The following POT1 variants were observed in gnomAD, a reference collection of about 807,000 sequenced individuals.
POT1 encodes protection of telomeres 1.
Under a neutral mutation model 78.5 loss-of-function variants are expected in POT1, and 47 were observed. That is an observed-to-expected ratio of 0.60 (90% CI 0.47 to 0.76). The LOEUF (loss-of-function observed/expected upper bound fraction) is 0.76. Ranked by LOEUF, POT1 falls within the 30% of genes least tolerant of loss-of-function variation. The pLI is 0.00. For missense variants in POT1, 646 were observed against 749.9 expected, an observed-to-expected ratio of 0.86 and a Z score of 1.62; for synonymous variants, 259 against 260.7, an observed-to-expected ratio of 0.99 and a Z score of 0.06.
intron 15 of POT1, among the ~76,000 whole-genome samples, chr7:124,830,901 C>T (rs1279231742): frequency 6.6e-6 from 1 of 152,094 alleles, no homozygotes; most frequent in Admixed American, 6.6e-5. Context: ...AGATTAGTAT[C>T]TCTAACACGG....
At chr7:124,830,779 G>A (rs1368368367) in intron 15 of POT1, among the ~76,000 whole-genome samples, 1 of 151,678 alleles carries the variant, frequency 6.6e-6, no homozygotes, top group African/African-American at 2.4e-5. Flanking sequence ...AGGGATGAGA[G>A]TAACCTATAA....
At chr7:124,853,351 T>C (rs1795364969) in intron 9 of POT1, 1 of 469,988 alleles carries the variant, frequency 2.1e-6, no homozygotes, top group African/African-American at 2.0e-5. Flanking sequence ...TGCATGCATA[T>C]GCGTGTGTGC....
rs1731038664 is a variant in POT1, at chr7:124,881,662, TACAC to T, written c.124+10600_124+10603del. Among the ~76,000 whole-genome samples the T allele has an allele frequency of 2.0e-5, 3 of 152,052 alleles. No homozygotes were observed. In the South Asian group the frequency reaches 6.2e-4, roughly 32 times the overall value. The stretch of plus-strand genomic sequence containing the variant: ...CAAGGAAGTGAAGTGTTTTACCAAA[TACAC>T]ACGCAAAAATATCCTTCAGTAATGA... On this transcript the variant is annotated intron_variant, in intron 6 of 18. Coordinates refer to ENST00000357628, the MANE Select transcript of POT1 (RefSeq NM_015450.3).
intron 2 of POT1, among the ~76,000 whole-genome samples, chr7:124,916,880 C>G (rs1797027338): frequency 6.6e-6 from 1 of 152,112 alleles, no homozygotes. Context: ...ATGGCAGCAG[C>G]AGTTACTGCA....
chr7:124,891,569 A>G (rs1312547196), intron 6 of POT1, among the ~76,000 whole-genome samples: 1 of 151,414 alleles, frequency 6.6e-6, no homozygotes, highest in Non-Finnish European at 1.5e-5. Context: ...ACTGTTTTCT[A>G]TCTGTCTTGT....
intron 6 of POT1, among the ~76,000 whole-genome samples, chr7:124,871,579 C>T (rs1183464782): frequency 6.6e-6 from 1 of 151,932 alleles, no homozygotes; most frequent in Non-Finnish European, 1.5e-5. Context: ...AATGGTAATT[C>T]TTGCTAGTCA....
chr7:124,842,259 C>T (rs1457780296), intron 13 of POT1, among the ~76,000 whole-genome samples: 2 of 151,454 alleles, frequency 1.3e-5, no homozygotes, highest in East Asian at 1.9e-4. Context: ...TGTCTTGAGC[C>T]GATTATGTAG....
intron 3 of POT1, among the ~76,000 whole-genome samples, chr7:124,908,769 G>A (rs1168164396): frequency 6.6e-6 from 1 of 151,840 alleles, no homozygotes; most frequent in Admixed American, 6.6e-5. Flanking sequence ...TTTAACAAAT[G>A]TTTGGACAAC....
At position 124,852,842 on chromosome 7, in the gene POT1, C is replaced by T. The variant is rs1233698145; in HGVS notation, c.869+130G>A. 8.1e-6 allele frequency: 6 copies of T among 741,908 alleles called. No homozygotes were observed. The East Asian group carries it at 1.4e-4, about 17-fold the overall frequency. 46.0% of individuals were successfully genotyped at this position (741,908 alleles called of 1,614,324 possible). ...TAATCATTTGATTTGTTTCATTTGG[C>T]TCATCTATTTAAAAACATGGCAAAT... On this transcript the variant is annotated intron_variant, in intron 10 of 18. Transcript: ENST00000357628.
At chr7:124,904,432 A>G (rs1460982035) in intron 3 of POT1, among the ~76,000 whole-genome samples, 1 of 152,240 alleles carries the variant, frequency 6.6e-6, no homozygotes, top group Non-Finnish European at 1.5e-5. Flanking sequence ...AAGGCCTTCA[A>G]CAAAATTCGA....
chr7:124,855,165 TA>T (rs1295925889), intron 9 of POT1, among the ~76,000 whole-genome samples: 3 of 76,732 alleles, frequency 3.9e-5, no homozygotes, highest in African/African-American at 5.5e-5. Context: ...AGAAAAAGGA[TA>T]ATAAACATAG....
At chr7:124,839,281 T>G (rs537298365) in intron 14 of POT1, among the ~76,000 whole-genome samples, 19 of 152,302 alleles carry the variant, frequency 1.2e-4, no homozygotes, top group Non-Finnish European at 1.9e-4. Flanking sequence ...TTTACAGAAA[T>G]TAAGTGATAC....
At chr7:124,888,835 G>C (rs903105218) in intron 6 of POT1, among the ~76,000 whole-genome samples, 1 of 151,824 alleles carries the variant, frequency 6.6e-6, no homozygotes, top group African/African-American at 2.4e-5. Context: ...ACCCATATAA[G>C]ACAGTGTACT....
At chr7:124,917,329 G>C (rs550385243) in intron 2 of POT1, among the ~76,000 whole-genome samples, 1 of 152,174 alleles carries the variant, frequency 6.6e-6, no homozygotes, top group East Asian at 1.9e-4. Context: ...CTAAGGATGG[G>C]GAAGACAAGA....
At chr7:124,869,579 TTTTA>T (rs1178373586) in intron 7 of POT1, among the ~76,000 whole-genome samples, 8 of 152,090 alleles carry the variant, frequency 5.3e-5, no homozygotes, top group African/African-American at 1.9e-4. Flanking sequence ...TAATATTTCT[TTTTA>T]TTTATTTATT....
At chr7:124,904,276 T>C (rs998164806) in intron 3 of POT1, among the ~76,000 whole-genome samples, 2 of 152,088 alleles carry the variant, frequency 1.3e-5, no homozygotes, top group Non-Finnish European at 2.9e-5. Flanking sequence ...AATAAAATAC[T>C]GGCAAACCAA....
At position 124,859,302 on chromosome 7, in the gene POT1, A is replaced by G. The variant is rs181097555; in HGVS notation, c.547-190T>C. 3.9e-5 allele frequency among the ~76,000 whole-genome samples: 6 copies of G among 152,334 alleles called. No individual in the cohort carries two copies. The East Asian group carries it at 9.6e-4, about 24-fold the overall frequency. On this transcript the variant is annotated intron_variant, in intron 8 of 18. Transcript: ENST00000357628. ...GAAATATGGGTAATGTGGAAAATGT[A>G]GAAGAATGTAAAGGAGAAAAAGAGT...
rs200464979 is a variant in POT1 at position 124,859,111 on chromosome 7, A to G, written c.548T>C (p.Val183Ala). ...EVDGASFLLK[V>A]WDGTRTPFPS... ...AAATGGTGTCCTGGTGCCATCCCAT[A>G]CCTGCCATAAGAGAGTAGAGTAGTT... The change falls in exon 9 of 19, where the codon GTA becomes GCA. Residue 183 changes from valine to alanine, a missense_variant and splice_region_variant. By Grantham distance (64) the Val-to-Ala change is moderately conservative (BLOSUM62 0). Coordinates refer to ENST00000357628, the MANE Select transcript of POT1 (RefSeq NM_015450.3). 1 of 1,554,258 alleles carries G rather than the reference A, an allele frequency of 6.4e-7. No homozygotes were observed. Among genetic ancestry groups the G allele is most frequent in the African/African-American group, 1.4e-5 (1 of 73,894 alleles).
intron 3 of POT1, among the ~76,000 whole-genome samples, chr7:124,913,766 C>T (rs1796948249): frequency 6.6e-6 from 1 of 152,046 alleles, no homozygotes; most frequent in African/African-American, 2.4e-5. Context: ...TTATTCCTTC[C>T]CTTCTAATTG....
Sources: allele counts gnomAD v4.1 joint callset (sites outside exome capture counted in the v4.1 genomes callset), GRCh38; gene constraint gnomAD v4.1.1; transcripts MANE v1.5; gene names NCBI Gene and HGNC (gene_info 2026-07-23, HGNC 2026-07-21).